Variants in NAV2 observed in about 807,000 individuals in gnomAD.
NAV2 encodes neuron navigator 2, also known as helicase, APC down-regulated 1.
NAV2 carries 54 observed loss-of-function variants against 223.2 expected under a neutral mutation model. That is an observed-to-expected ratio of 0.24 (90% CI 0.19 to 0.30). NAV2 has a LOEUF of 0.30. Ranked by LOEUF, NAV2 falls within the 10% of genes least tolerant of loss-of-function variation. The pLI, the probability that NAV2 is intolerant of heterozygous loss-of-function variation, is 1.00. For synonymous variants in NAV2, 1,279 were observed against 1,239.3 expected (o/e 1.03, Z -0.67); for missense variants, 2,806 against 3,147.5 (o/e 0.89, Z 2.60).
chr11:19,381,794 C>G (rs1848845880), intron 1 of NAV2, among the ~76,000 whole-genome samples: 1 of 152,170 alleles, frequency 6.6e-6, no homozygotes, highest in Non-Finnish European at 1.5e-5. Context: ...GATGCCTTCA[C>G]AAATGGAGGC....
At chr11:19,419,880 T>G (rs1850537339) in intron 1 of NAV2, among the ~76,000 whole-genome samples, 1 of 152,148 alleles carries the variant, frequency 6.6e-6, no homozygotes, top group African/African-American at 2.4e-5. Context: ...TGTAAGCTCT[T>G]GAGAATAATT....
intron 1 of NAV2, among the ~76,000 whole-genome samples, chr11:19,461,891 C>T (rs1314730061): frequency 6.6e-6 from 1 of 152,158 alleles, no homozygotes; most frequent in Non-Finnish European, 1.5e-5. Context: ...CTGCACCCTC[C>T]GCCTCCCGGA....
At chr11:19,858,287 C>A (rs188213391) in intron 3 of NAV2, among the ~76,000 whole-genome samples, 5 of 152,310 alleles carry the variant, frequency 3.3e-5, no homozygotes, top group Middle Eastern at 3.4e-3. Flanking sequence ...TATTATCTCA[C>A]GTATAAACAA....
chr11:19,948,598 G>A (rs770078951), intron 9 of NAV2, 93 bp from the exon 10 acceptor site: 5 of 1,329,454 alleles, frequency 3.8e-6, no homozygotes, highest in Non-Finnish European at 5.0e-6. Flanking sequence ...TTATATATGA[G>A]GATTATTTCA....
intron 4 of NAV2, among the ~76,000 whole-genome samples, chr11:19,872,520 G>A (rs559011455): frequency 3.9e-5 from 6 of 152,368 alleles, no homozygotes; most frequent in African/African-American, 1.4e-4. Context: ...GTATTAAAAA[G>A]TAATGCAGAT....
At chr11:20,072,841 A>G (rs1312281970) in intron 22 of NAV2, among the ~76,000 whole-genome samples, 1 of 152,150 alleles carries the variant, frequency 6.6e-6, no homozygotes, top group African/African-American at 2.4e-5. Flanking sequence ...TTGGGCTGAG[A>G]AGATGGGGTT....
In NAV2 at chr11:20,066,437, G is replaced by A. The variant is rs367586436; in HGVS notation, c.4885-1749G>A. 1.4e-3 allele frequency among the ~76,000 whole-genome samples: 216 copies of A among 152,302 alleles called. 3 individuals are homozygous for A. Among genetic ancestry groups the A allele is most frequent in the African/African-American group, 4.4e-3 (181 of 41,564 alleles). Reference sequence around the variant, plus strand: ...TGTGACTTTATACAAGACATTTAACGTCTCTGAACCTCAGAAGGAATACAA... The same window carrying A: ...TGTGACTTTATACAAGACATTTAACATCTCTGAACCTCAGAAGGAATACAA... On this transcript the variant is annotated intron_variant, in intron 20 of 37. Coordinates refer to ENST00000349880, the MANE Select transcript of NAV2 (RefSeq NM_145117.5).
intron 8 of NAV2, among the ~76,000 whole-genome samples, chr11:19,940,931 C>T (rs1403534806): frequency 6.6e-6 from 1 of 152,144 alleles, no homozygotes; most frequent in South Asian, 2.1e-4. Flanking sequence ...AAAGGACCAG[C>T]AATGAGAAGG....
chr11:20,054,936 T>C (rs2058272887), intron 18 of NAV2, among the ~76,000 whole-genome samples: 1 of 152,160 alleles, frequency 6.6e-6, no homozygotes, highest in Non-Finnish European at 1.5e-5. Flanking sequence ...TATAATTAGA[T>C]AGCAAGCATT....
At chr11:19,677,164 T>G (rs1005198246) in intron 1 of NAV2, among the ~76,000 whole-genome samples, 1 of 152,262 alleles carries the variant, frequency 6.6e-6, no homozygotes, top group Non-Finnish European at 1.5e-5. Context: ...CAGCCTGTAC[T>G]GCCACTTGGC....
chr11:19,914,797 G>C (rs560764271), intron 6 of NAV2, among the ~76,000 whole-genome samples: 1 of 152,172 alleles, frequency 6.6e-6, no homozygotes, highest in Non-Finnish European at 1.5e-5. Flanking sequence ...ACCCGCCTCG[G>C]CCTCCCAAAG....
Position 19,880,088 on chromosome 11 carries a change from C to T in NAV2, c.731C>T (p.Pro244Leu). The T allele has an allele frequency of 6.2e-7, 1 of 1,608,468 alleles. No individual in the cohort carries two copies. Among genetic ancestry groups the T allele is most frequent in the Non-Finnish European group, 8.5e-7 (1 of 1,176,186 alleles). Reference protein sequence around the residue: ...QAPCQPHQPAPHQQSKAQAEM... With the variant: ...QAPCQPHQPALHQQSKAQAEM... ...CCGTGCCAGCCTCACCAGCCAGCGC[C>T]ACATCAGCAGTCAAAAGCACAAGCT... The change falls in exon 5 of 38, where the codon CCA (proline) becomes CTA (leucine). Residue 244 changes from proline to leucine, a missense_variant. Coordinates refer to ENST00000349880, the MANE Select transcript of NAV2 (RefSeq NM_145117.5).
intron 3 of NAV2, among the ~76,000 whole-genome samples, chr11:19,854,206 GT>G (rs1159797347): frequency 6.6e-6 from 1 of 152,066 alleles, no homozygotes; most frequent in African/African-American, 2.4e-5. Flanking sequence ...TCAAAGAGGT[GT>G]TTTTTTGTAT....
chr11:19,395,205 G>T (rs1002013331), intron 1 of NAV2, among the ~76,000 whole-genome samples: 1 of 152,254 alleles, frequency 6.6e-6, no homozygotes, highest in Non-Finnish European at 1.5e-5. Flanking sequence ...CTGAGTGGGC[G>T]CATGCTGTGC....
chr11:19,499,958 C>G (rs551959594), intron 1 of NAV2, among the ~76,000 whole-genome samples: 14 of 151,980 alleles, frequency 9.2e-5, no homozygotes, highest in Non-Finnish European at 1.9e-4. Flanking sequence ...CTATCAGTGG[C>G]CCTGATTCTA....
At chr11:19,861,966 A>G (rs1359971820) in intron 3 of NAV2, among the ~76,000 whole-genome samples, 8 of 152,182 alleles carry the variant, frequency 5.3e-5, no homozygotes, top group Admixed American at 3.9e-4. Context: ...CAGAGTAAGG[A>G]TAGACTTCTA....
At chr11:19,807,969 ACT>A (rs1269161608) in intron 1 of NAV2, among the ~76,000 whole-genome samples, 3 of 152,020 alleles carry the variant, frequency 2.0e-5, no homozygotes, top group African/African-American at 7.2e-5. Context: ...AGGAGTGGCC[ACT>A]CTGTCATGCT....
At chr11:19,512,896 G>C (rs1686997754) in intron 1 of NAV2, among the ~76,000 whole-genome samples, 1 of 152,132 alleles carries the variant, frequency 6.6e-6, no homozygotes, top group Non-Finnish European at 1.5e-5. Context: ...GCAAAGAGAG[G>C]GATACAACCT....
chr11:19,790,086 C>T (rs1763259896), intron 1 of NAV2, among the ~76,000 whole-genome samples: 1 of 152,164 alleles, frequency 6.6e-6, no homozygotes, highest in Non-Finnish European at 1.5e-5. Context: ...CAGGATTTCC[C>T]AGCCTCGGAT....
Sources: allele counts gnomAD v4.1 joint callset (sites outside exome capture counted in the v4.1 genomes callset), GRCh38; gene constraint gnomAD v4.1.1; transcripts MANE v1.5; gene names NCBI Gene and HGNC (gene_info 2026-07-23, HGNC 2026-07-21).